PRKAR1B: variants seen among roughly 807,000 people sequenced by gnomAD.
The protein encoded by PRKAR1B is cAMP-dependent protein kinase type I-beta regulatory subunit.
PRKAR1B carries 22 observed loss-of-function variants against 46.5 expected under a neutral mutation model. The ratio of observed to expected loss-of-function variants is 0.47; its 90% CI spans 0.34 to 0.68. PRKAR1B has a LOEUF of 0.68. Ranked by LOEUF, PRKAR1B falls within the 30% of genes least tolerant of loss-of-function variation. PRKAR1B has a pLI of 0.01. For missense variants in PRKAR1B, 445 were observed against 535.6 expected (o/e 0.83, Z 1.67); for synonymous variants, 259 against 217.7 (o/e 1.19, Z -1.67).
intron 9 of PRKAR1B, among the ~76,000 whole-genome samples, chr7:564,077 A>G (rs1562521795): frequency 6.6e-6 from 1 of 151,958 alleles, no homozygotes; most frequent in South Asian, 2.1e-4. Flanking sequence ...GGTGTTCCCA[A>G]AGGGTCTCCT....
At chr7:612,852 G>A (rs1782603762) in intron 4 of PRKAR1B, among the ~76,000 whole-genome samples, 1 of 150,724 alleles carries the variant, frequency 6.6e-6, no homozygotes, top group Admixed American at 6.6e-5. Context: ...AAACGACACT[G>A]AAAAGATGTG....
intron 4 of PRKAR1B, among the ~76,000 whole-genome samples, chr7:670,957 C>T (rs1786217901): frequency 6.6e-6 from 1 of 152,262 alleles, no homozygotes; most frequent in Non-Finnish European, 1.5e-5. Context: ...CAGCACATCC[C>T]AGCCCATCTT....
intron 2 of PRKAR1B, 127 bp from the exon 3 acceptor site, chr7:680,853 G>C (rs1778640824): frequency 9.1e-7 from 1 of 1,099,258 alleles, no homozygotes; most frequent in Non-Finnish European, 1.3e-6. Flanking sequence ...CTCAGGAGTT[G>C]GACATACGGT....
intron 2 of PRKAR1B, among the ~76,000 whole-genome samples, chr7:686,999 C>T (rs986770497): frequency 2.0e-5 from 3 of 152,182 alleles, no homozygotes; most frequent in African/African-American, 7.2e-5. Context: ...GGGATTAAGC[C>T]AGCCTCCCTG....
chr7:676,545 G>A (rs546909358), intron 4 of PRKAR1B, among the ~76,000 whole-genome samples: 12 of 152,308 alleles, frequency 7.9e-5, no homozygotes, highest in Admixed American at 3.9e-4. Context: ...TAGGTATAGC[G>A]CGCGGGGGAA....
intron 4 of PRKAR1B, among the ~76,000 whole-genome samples, chr7:649,438 A>G (rs1784783818): frequency 6.6e-6 from 1 of 152,246 alleles, no homozygotes; most frequent in Non-Finnish European, 1.5e-5. Flanking sequence ...GTTAGCAGAC[A>G]GTTAACTAAA....
intron 4 of PRKAR1B, among the ~76,000 whole-genome samples, chr7:642,701 C>T (rs1266940964): frequency 5.3e-5 from 8 of 150,494 alleles, no homozygotes; most frequent in African/African-American, 2.0e-4. Flanking sequence ...CCACTGCACT[C>T]CAGCCTGGGC....
At chr7:566,576 TACC>T (rs1188828660) in intron 9 of PRKAR1B, among the ~76,000 whole-genome samples, 39 of 48,972 alleles carry the variant, frequency 8.0e-4, no homozygotes, top group African/African-American at 2.5e-3. Context: ...ACATCACCAT[TACC>T]ACCATTACCT....
In PRKAR1B at chr7:550,606, G is replaced by T; in HGVS notation, c.974-4C>A. Reference sequence around the variant, plus strand: ...TTCAGCAGCAGTGCAATCTCCCCTGGGGGTTGAAGAGAGAGGTCAGGGCTG... The same window carrying T: ...TTCAGCAGCAGTGCAATCTCCCCTGTGGGTTGAAGAGAGAGGTCAGGGCTG... On this transcript the variant is annotated splice_region_variant and splice_polypyrimidine_tract_variant and intron_variant, in intron 10 of 10. Coordinates refer to ENST00000537384, the MANE Select transcript of PRKAR1B (RefSeq NM_001164760.2). 2 of 1,554,564 alleles carry T rather than the reference G, an allele frequency of 1.3e-6. No homozygotes were observed. The highest frequency in any genetic ancestry group is 8.7e-7 in the Non-Finnish European group (1 of 1,154,560).
intron 4 of PRKAR1B, among the ~76,000 whole-genome samples, chr7:614,124 A>G (rs1354925054): frequency 6.6e-6 from 1 of 152,198 alleles, no homozygotes; most frequent in African/African-American, 2.4e-5. Context: ...CGCACGCCCG[A>G]CCAGGACAGG....
At chr7:726,503 A>C (rs1170811499) in intron 1 of PRKAR1B, 2 of 382,722 alleles carry the variant, frequency 5.2e-6, no homozygotes, top group East Asian at 7.6e-5. Flanking sequence ...CCATCTGTAC[A>C]ATGGGGACAG....
chr7:693,321 C>T (rs1779543482), intron 2 of PRKAR1B, among the ~76,000 whole-genome samples: 1 of 151,670 alleles, frequency 6.6e-6, no homozygotes, highest in East Asian at 1.9e-4. Flanking sequence ...AATTCAGCCA[C>T]GTCGACACAT....
chr7:728,732 C>G (rs951627529), upstream of PRKAR1B, among the ~76,000 whole-genome samples: 1 of 152,224 alleles, frequency 6.6e-6, no homozygotes, highest in Non-Finnish European at 1.5e-5. Context: ...CCAAGCGCAG[C>G]CTGCTGGGGT....
At chr7:612,051 ATG>A (rs1782532375) in intron 4 of PRKAR1B, among the ~76,000 whole-genome samples, 1 of 149,088 alleles carries the variant, frequency 6.7e-6, no homozygotes, top group Admixed American at 6.7e-5. Flanking sequence ...AGAATAACGG[ATG>A]GATGGATGGA....
At chr7:725,275 C>CA (rs1273281836) in intron 1 of PRKAR1B, among the ~76,000 whole-genome samples, 3 of 150,784 alleles carry the variant, frequency 2.0e-5, no homozygotes, top group African/African-American at 7.3e-5. Flanking sequence ...AGATCAACAA[C>CA]AAAAAAGAAG....
intron 2 of PRKAR1B, among the ~76,000 whole-genome samples, chr7:711,027 T>C (rs1474737950): frequency 6.6e-6 from 1 of 152,116 alleles, no homozygotes; most frequent in African/African-American, 2.4e-5. Flanking sequence ...CACCTGGACC[T>C]AAAACCCTGA....
intron 6 of PRKAR1B, among the ~76,000 whole-genome samples, chr7:605,799 G>A (rs1193423126): frequency 6.6e-6 from 1 of 152,194 alleles, no homozygotes; most frequent in East Asian, 1.9e-4. Context: ...CTCTAAGCAC[G>A]TCGCTCTCCC....
At chr7:613,052 A>G (rs1021639296) in intron 4 of PRKAR1B, among the ~76,000 whole-genome samples, 1 of 152,060 alleles carries the variant, frequency 6.6e-6, no homozygotes, top group African/African-American at 2.4e-5. Context: ...GTGTAGATAC[A>G]TGTAACAAGG....
chr7:563,422 G>C (rs1200793702), intron 9 of PRKAR1B, among the ~76,000 whole-genome samples: 2 of 152,292 alleles, frequency 1.3e-5, no homozygotes, highest in Non-Finnish European at 1.5e-5. Context: ...GCTGTGCACT[G>C]TCCACTCAGC....
Sources: gnomAD v4.1 joint callset for allele counts (sites outside exome capture counted in the v4.1 genomes callset) on GRCh38, gnomAD v4.1.1 for gene constraint, MANE v1.5 for transcripts, NCBI Gene and HGNC (gene_info 2026-07-23, HGNC 2026-07-21) for gene names.